Variants in MTO1 observed in about 807,000 individuals in gnomAD.
MTO1 encodes mitochondrial tRNA translation optimization 1, also known as 5-taurinomethyluridine-[tRNA] synthase subunit MTO1, mitochondrial.
MTO1 carries 46 observed loss-of-function variants against 71.6 expected under a neutral mutation model. That is an observed-to-expected ratio of 0.64 (90% CI 0.51 to 0.82). The LOEUF (loss-of-function observed/expected upper bound fraction) is 0.82, where lower values mean the gene tolerates loss of function less well. Ranked by LOEUF, MTO1 falls within the 40% of genes least tolerant of loss-of-function variation. The pLI is 0.00. For synonymous variants in MTO1, 297 were observed against 312.1 expected (o/e 0.95, Z 0.51); for missense variants, 773 against 867.5 (o/e 0.89, Z 1.37).
chr6:73,490,953 G>A (rs1173167689), intron 9 of MTO1, among the ~76,000 whole-genome samples: 2 of 152,114 alleles, frequency 1.3e-5, no homozygotes, highest in Non-Finnish European at 1.5e-5. Flanking sequence ...ACTTCTGAAG[G>A]CTAAACACAG....
intron 3 of MTO1, among the ~76,000 whole-genome samples, chr6:73,469,366 T>C (rs1771082320): frequency 6.6e-6 from 1 of 151,896 alleles, no homozygotes; most frequent in Admixed American, 6.6e-5. Context: ...GGCTCACGCC[T>C]GTAATCCCAG....
chr6:73,470,565 T>G (rs1173743525), intron 3 of MTO1, among the ~76,000 whole-genome samples: 1 of 152,154 alleles, frequency 6.6e-6, no homozygotes, highest in Non-Finnish European at 1.5e-5. Flanking sequence ...TATTATAGAT[T>G]TATTAATTTT....
Position 73,508,747 on chromosome 6 carries a change from T to C in MTO1, c.*8012T>C, listed in dbSNP as rs1411601504. On this transcript the variant is annotated 3_prime_UTR_variant, in exon 12 of 12. Coordinates refer to ENST00000498286, the MANE Select transcript of MTO1 (RefSeq NM_012123.4). Reference sequence around the variant, plus strand: ...GTACCCAACCATAAATGAATAAAAATCACCTCATTTCTCATCAGATGTTTA... The same window carrying C: ...GTACCCAACCATAAATGAATAAAAACCACCTCATTTCTCATCAGATGTTTA... 6.6e-6 allele frequency: 1 copy of C among 152,154 alleles called. No homozygotes were observed. Among genetic ancestry groups the C allele is most frequent in the African/African-American group, 2.4e-5 (1 of 41,440 alleles). 9.4% of individuals were successfully genotyped at this position (152,154 alleles called of 1,614,324 possible). A position where few individuals can be genotyped will look rare whatever the true frequency, so the allele number is the denominator to read the frequency against.
Position 73,500,589 on chromosome 6 carries a change from C to T in MTO1, c.1933C>T (p.Arg645Cys). 2 of 1,612,670 alleles carry T rather than the reference C, an allele frequency of 1.2e-6. No individual in the cohort carries two copies. Among genetic ancestry groups the T allele is most frequent in the South Asian group, 1.1e-5 (1 of 90,686 alleles). ...SRPQTIGAAS[R>C]IPGVTPAAII... Reference sequence around the variant, plus strand: ...TGATTTTTAGATCGGGGCTGCTAGTCGCATACCCGGAGTAACACCTGCCGC... The same window carrying T: ...TGATTTTTAGATCGGGGCTGCTAGTTGCATACCCGGAGTAACACCTGCCGC... The change falls in exon 12 of 12, where the codon CGC becomes TGC. Residue 645 changes from arginine (R) to cysteine (C), a missense_variant. Arg to Cys is a radical substitution (Grantham distance 180). Coordinates refer to ENST00000498286, the MANE Select transcript of MTO1 (RefSeq NM_012123.4).
intron 3 of MTO1, among the ~76,000 whole-genome samples, chr6:73,470,032 T>A (rs1025787597): frequency 6.6e-6 from 1 of 151,988 alleles, no homozygotes; most frequent in Non-Finnish European, 1.5e-5. Flanking sequence ...GAACCAGCCT[T>A]TTGGTTTGGT....
chr6:73,479,230 C>T (rs532235863), intron 4 of MTO1, among the ~76,000 whole-genome samples: 1 of 152,028 alleles, frequency 6.6e-6, no homozygotes, highest in South Asian at 2.1e-4. Flanking sequence ...CACGGTGGCT[C>T]ACACCTGTAA....
intron 1 of MTO1, among the ~76,000 whole-genome samples, chr6:73,463,120 T>G (rs1668576383): frequency 6.6e-6 from 1 of 151,138 alleles, no homozygotes; most frequent in African/African-American, 2.4e-5. Flanking sequence ...GCCTTCCGGG[T>G]TAATGCCATT....
chr6:73,480,372 G>C, intron 6 of MTO1: 1 of 662,918 alleles, frequency 1.5e-6, no homozygotes, highest in Non-Finnish European at 2.7e-6. Flanking sequence ...TGCCAGGTTC[G>C]TGATTCTTCT....
Position 73,502,069 on chromosome 6 carries a change from C to T in MTO1, c.*1334C>T, listed in dbSNP as rs1306558862. 3 of 152,100 alleles carry T rather than the reference C, an allele frequency of 2.0e-5. No individual in the cohort carries two copies. Among genetic ancestry groups the T allele is most frequent in the Non-Finnish European group, 4.4e-5 (3 of 68,016 alleles). The allele number at this position is 152,100 out of a possible 1,614,324, so 9.4% of individuals were successfully genotyped here. A position where few individuals can be genotyped will look rare whatever the true frequency, so the allele number is the denominator to read the frequency against. ...ACTTGATTCAGTGATTTCAAAAGGTCGTAACTTTTAGTCATAGCTACTCCT... is the reference window on the plus strand; with the variant it reads ...ACTTGATTCAGTGATTTCAAAAGGTTGTAACTTTTAGTCATAGCTACTCCT... On this transcript the variant is annotated 3_prime_UTR_variant, in exon 12 of 12. Coordinates refer to ENST00000498286, the MANE Select transcript of MTO1 (RefSeq NM_012123.4).
rs1554149346 is a variant in MTO1, at chr6:73,482,627, AT to A, written c.1637+12del. Reference sequence around the variant, plus strand: ...GTAGAAGTCTGCCTGTCAGGTATGCATTTTTAATATAGACCTTTCTCACTTT... The same window carrying A: ...GTAGAAGTCTGCCTGTCAGGTATGCATTTTAATATAGACCTTTCTCACTTT... On this transcript the variant is annotated splice_region_variant and intron_variant, in intron 9 of 11. Coordinates refer to ENST00000498286, the MANE Select transcript of MTO1 (RefSeq NM_012123.4). 1 of 1,583,190 alleles carries A rather than the reference AT, an allele frequency of 6.3e-7. No individual in the cohort carries two copies.
Position 73,466,421 on chromosome 6 carries a change from C to CATGAG in MTO1, c.417+14_417+18dup. On this transcript the variant is annotated intron_variant, in intron 2 of 11. Transcript: ENST00000498286. Reference sequence around the variant, plus strand: ...ACAGAACATGCAGGTAAGAATAGGGCATGAGCACAGGAAAGATTATAGTGA... The same window carrying CATGAG: ...ACAGAACATGCAGGTAAGAATAGGGCATGAGATGAGCACAGGAAAGATTATAGTGA... 6.2e-7 allele frequency: 1 copy of CATGAG among 1,613,652 alleles called. No homozygotes were observed. The highest frequency in any genetic ancestry group is 1.7e-5 in the Admixed American group (1 of 59,984).
chr6:73,488,284 C>T (rs753290535), intron 9 of MTO1, among the ~76,000 whole-genome samples: 6 of 152,034 alleles, frequency 3.9e-5, no homozygotes, highest in Non-Finnish European at 7.4e-5. Flanking sequence ...GGTGATCCTC[C>T]CACCTCAGCC....
At chr6:73,464,835 CAAAAAAA>C (rs70996805) in intron 1 of MTO1, among the ~76,000 whole-genome samples, 4 of 28,358 alleles carry the variant, frequency 1.4e-4, no homozygotes, top group Middle Eastern at 0.023. Context: ...AACTCTGTCT[CAAAAAAA>C]AAAAAAAAAA....
chr6:73,497,052 C>CA (rs1772000516), intron 10 of MTO1, among the ~76,000 whole-genome samples: 2 of 147,854 alleles, frequency 1.4e-5, no homozygotes, highest in East Asian at 2.0e-4. Flanking sequence ...GACTCTGTCT[C>CA]AAAAAAAGAG....
chr6:73,489,021 C>G (rs1033214600), intron 9 of MTO1, among the ~76,000 whole-genome samples: 3 of 152,208 alleles, frequency 2.0e-5, no homozygotes, highest in African/African-American at 7.2e-5. Context: ...ACTGGCAAAG[C>G]TAATGTCATG....
intron 7 of MTO1, among the ~76,000 whole-genome samples, 197 bp from the exon 8 acceptor site, chr6:73,481,843 A>T (rs1404185470): frequency 1.3e-5 from 2 of 152,096 alleles, no homozygotes; most frequent in African/African-American, 2.4e-5. Flanking sequence ...AAAACAATGA[A>T]TCATAGCCTT....
intron 10 of MTO1, among the ~76,000 whole-genome samples, chr6:73,497,285 T>C (rs1363660628): frequency 1.3e-5 from 2 of 150,378 alleles, no homozygotes; most frequent in Non-Finnish European, 3.0e-5. Context: ...CCCGAGTAGC[T>C]GGGATTACAG....
chr6:73,498,606 A>C (rs1427893033), intron 11 of MTO1, among the ~76,000 whole-genome samples: 1 of 152,092 alleles, frequency 6.6e-6, no homozygotes, highest in East Asian at 1.9e-4. Flanking sequence ...GTAAACAAAT[A>C]AACTTTTAAT....
intron 10 of MTO1, among the ~76,000 whole-genome samples, chr6:73,496,288 G>A (rs1243887419): frequency 1.3e-5 from 2 of 152,140 alleles, no homozygotes; most frequent in East Asian, 1.9e-4. Context: ...TTTAAAACAG[G>A]TTTTTAATTT....
Sources: gnomAD v4.1 joint callset for allele counts (sites outside exome capture counted in the v4.1 genomes callset) on GRCh38, gnomAD v4.1.1 for gene constraint, MANE v1.5 for transcripts, NCBI Gene and HGNC (gene_info 2026-07-23, HGNC 2026-07-21) for gene names.